The following SIPA1L3 variants were observed in gnomAD, a reference collection of about 807,000 sequenced individuals.
The protein encoded by SIPA1L3 is signal-induced proliferation-associated 1-like protein 3.
SIPA1L3 carries 59 observed loss-of-function variants against 150.1 expected under a neutral mutation model. That is an observed-to-expected ratio of 0.39 (90% CI 0.32 to 0.49). The LOEUF (loss-of-function observed/expected upper bound fraction) is 0.49, where lower values mean the gene tolerates loss of function less well. Ranked by LOEUF, SIPA1L3 falls within the 20% of genes least tolerant of loss-of-function variation. SIPA1L3 has a pLI of 0.86. For missense variants in SIPA1L3, 2,211 were observed against 2,489.5 expected (o/e 0.89, Z 2.38); for synonymous variants, 1,070 against 1,077.6 (o/e 0.99, Z 0.14).
intron 1 of SIPA1L3, among the ~76,000 whole-genome samples, chr19:38,027,506 A>C (rs1365951842): frequency 6.6e-6 from 1 of 151,678 alleles, no homozygotes; most frequent in Non-Finnish European, 1.5e-5. Context: ...CCGGCCTTTG[A>C]GGTTGGCGGG....
intron 13 of SIPA1L3, among the ~76,000 whole-genome samples, chr19:38,159,087 A>G (rs1038212354): frequency 6.6e-6 from 1 of 152,250 alleles, no homozygotes; most frequent in Non-Finnish European, 1.5e-5. Context: ...TGCCCCAAAG[A>G]GGAAAACCAT....
In SIPA1L3 at chr19:38,180,013, G is replaced by A. The variant is rs1972522481; in HGVS notation, c.4209-2506G>A. 3.9e-5 allele frequency among the ~76,000 whole-genome samples: 6 copies of A among 152,098 alleles called. 1 individual carries two copies. In the South Asian group the frequency reaches 1.2e-3, roughly 32 times the overall value. On this transcript the variant is annotated intron_variant, in intron 15 of 21. Coordinates refer to ENST00000222345, the MANE Select transcript of SIPA1L3 (RefSeq NM_015073.3). The stretch of plus-strand genomic sequence containing the variant: ...GCCCGCCACCACTCAGTTAATTTTT[G>A]TATTTTTAGTAGAGATGGGGTTTCA...
chr19:37,922,972 CA>C lies in SIPA1L3; in HGVS notation c.-379+15629del, dbSNP rs553338956. Among the ~76,000 whole-genome samples, 633 of 125,388 alleles carry C rather than the reference CA, an allele frequency of 5.0e-3. 6 individuals carry two copies. Among genetic ancestry groups the C allele is most frequent in the Middle Eastern group, 4.1e-3 (1 of 244 alleles). 82.3% of individuals were successfully genotyped at this position (125,388 alleles called of 152,430 possible). ...TGAAACCCTGTCTCTACTAAAAATACAAAAAAAAAAAAAAATTAGCTGGGCG... is the reference window on the plus strand; with the variant it reads ...TGAAACCCTGTCTCTACTAAAAATACAAAAAAAAAAAAAATTAGCTGGGCG... On this transcript the variant is annotated intron_variant, in intron 1 of 21. Coordinates refer to ENST00000222345, the MANE Select transcript of SIPA1L3 (RefSeq NM_015073.3).
intron 1 of SIPA1L3, among the ~76,000 whole-genome samples, chr19:37,997,005 G>A (rs888062788): frequency 8.6e-5 from 13 of 151,908 alleles, no homozygotes; most frequent in African/African-American, 2.9e-4. Flanking sequence ...CCAATCCTCA[G>A]TGTTTTTATA....
At chr19:38,170,856 C>T (rs924946319) in intron 15 of SIPA1L3, among the ~76,000 whole-genome samples, 16 of 151,124 alleles carry the variant, frequency 1.1e-4, no homozygotes, top group East Asian at 1.9e-4. Flanking sequence ...GAGGAGGGAG[C>T]GGGTGAAGGA....
In SIPA1L3 at chr19:38,119,523, C is replaced by G. The variant is rs1199236124; in HGVS notation, c.2509C>G (p.Pro837Ala). ...GGCCGAAAACTGTGTCTCCAACACC[C>G]CCATCGACTCCACCGGCAAATTCAA... ...DLAENCVSNT[P>A]IDSTGKFNLI... The change falls in exon 9 of 22, where the codon CCC becomes GCC. Residue 837 changes from proline (P) to alanine (A), a missense_variant. This residue lies in a region of SIPA1L3 where 625 missense variants were observed against 804.2 expected (regional missense o/e 0.78). Transcript: ENST00000222345. 4 of 1,614,060 alleles carry G rather than the reference C, an allele frequency of 2.5e-6. No homozygotes were observed. The highest frequency in any genetic ancestry group is 3.4e-6 in the Non-Finnish European group (4 of 1,180,034).
At chr19:37,923,068 T>C (rs1408545702) in intron 1 of SIPA1L3, among the ~76,000 whole-genome samples, 1 of 137,670 alleles carries the variant, frequency 7.3e-6, no homozygotes, top group East Asian at 2.1e-4. Flanking sequence ...ACCCGGGAGG[T>C]GGAGCTTACA....
chr19:37,976,709 C>T (rs544391823), intron 1 of SIPA1L3, among the ~76,000 whole-genome samples: 8 of 152,170 alleles, frequency 5.3e-5, no homozygotes, highest in Admixed American at 2.6e-4. Flanking sequence ...GAATGAGAAC[C>T]GGAGGGTTGC....
chr19:38,152,563 A>C (rs1048263729), intron 12 of SIPA1L3, among the ~76,000 whole-genome samples: 2 of 152,168 alleles, frequency 1.3e-5, no homozygotes, highest in African/African-American at 4.8e-5. Flanking sequence ...TGTCGGCCCA[A>C]GCGGCCTCTG....
chr19:38,089,771 A>T (rs961395717), intron 4 of SIPA1L3, among the ~76,000 whole-genome samples: 14 of 152,276 alleles, frequency 9.2e-5, no homozygotes, highest in Non-Finnish European at 1.8e-4. Flanking sequence ...TGTAAGTGAC[A>T]GAAATCTATT....
At chr19:37,934,083 G>T (rs185533646) in intron 1 of SIPA1L3, among the ~76,000 whole-genome samples, 3 of 152,040 alleles carry the variant, frequency 2.0e-5, no homozygotes, top group Non-Finnish European at 4.4e-5. Context: ...AATGGTGAGC[G>T]CGAAGAATCT....
At chr19:38,116,375 G>A (rs185208954) in intron 8 of SIPA1L3, among the ~76,000 whole-genome samples, 1 of 151,418 alleles carries the variant, frequency 6.6e-6, no homozygotes. Context: ...AGGCGTGGTG[G>A]TGCATGCCTG....
chr19:38,085,147 C>T (rs1291473075), intron 3 of SIPA1L3, among the ~76,000 whole-genome samples: 1 of 151,914 alleles, frequency 6.6e-6, no homozygotes, highest in Non-Finnish European at 1.5e-5. Context: ...ATATCACATG[C>T]ACAAACAGAA....
At chr19:38,096,035 G>A (rs761812674) in intron 4 of SIPA1L3, among the ~76,000 whole-genome samples, 34 of 152,140 alleles carry the variant, frequency 2.2e-4, no homozygotes, top group Non-Finnish European at 4.6e-4. Flanking sequence ...TGACACTACC[G>A]TGCTTGTGAT....
intron 1 of SIPA1L3, among the ~76,000 whole-genome samples, chr19:37,943,247 C>A (rs565261101): frequency 3.9e-5 from 6 of 152,172 alleles, no homozygotes; most frequent in African/African-American, 1.4e-4. Context: ...CCATTTCAAC[C>A]CCGAAGAAAC....
At chr19:37,966,311 C>T (rs1342096495) in intron 1 of SIPA1L3, among the ~76,000 whole-genome samples, 1 of 152,166 alleles carries the variant, frequency 6.6e-6, no homozygotes, top group Non-Finnish European at 1.5e-5. Context: ...CACACATGTC[C>T]CCTTGCCTCG....
chr19:38,169,977 G>T (rs1382074290), intron 15 of SIPA1L3, among the ~76,000 whole-genome samples: 1 of 151,776 alleles, frequency 6.6e-6, no homozygotes, highest in Non-Finnish European at 1.5e-5. Flanking sequence ...AGGTAGAGGG[G>T]CCAGGGTAAG....
At position 37,963,280 on chromosome 19, in the gene SIPA1L3, C is replaced by G. The variant is rs1346145232; in HGVS notation, c.-379+55922C>G. Among the ~76,000 whole-genome samples, 5 of 152,338 alleles carry G rather than the reference C, an allele frequency of 3.3e-5. No individual in the cohort carries two copies. In the East Asian group the frequency reaches 9.6e-4, roughly 29 times the overall value. On this transcript the variant is annotated intron_variant, in intron 1 of 21. Transcript: ENST00000222345. ...GATGTGTGGACAGCAAGGGCCCCCT[C>G]TAGTCTCTCTGGAGCTTGTGTGCAA... is the stretch of plus-strand genomic sequence containing the variant.
chr19:38,188,676 A>C (rs945521479), intron 16 of SIPA1L3, among the ~76,000 whole-genome samples: 4 of 151,924 alleles, frequency 2.6e-5, no homozygotes, highest in Non-Finnish European at 5.9e-5. Context: ...TAATCCCAGC[A>C]CTTTGGGAGG....
Sources: allele counts gnomAD v4.1 joint callset (sites outside exome capture counted in the v4.1 genomes callset), GRCh38; gene constraint gnomAD v4.1.1; regional missense constraint gnomAD v4.1.1; transcripts MANE v1.5; gene names NCBI Gene and HGNC (gene_info 2026-07-23, HGNC 2026-07-21).